Variants in RAB31 observed in about 807,000 individuals in gnomAD.
RAB31 encodes the protein RAB31, member RAS oncogene family, also known as ras-related protein Rab-31.
RAB31 carries 21 observed loss-of-function variants against 25.6 expected under a neutral mutation model. The observed-to-expected ratio is 0.82, with a 90% CI of 0.58 to 1.18. RAB31 has a LOEUF of 1.18. Among genes scored for constraint, RAB31 ranks in the 50% most tolerant of loss-of-function variants. The pLI, the probability that RAB31 is intolerant of heterozygous loss-of-function variation, is 0.00. For synonymous variants in RAB31, 87 were observed against 84.0 expected, an observed-to-expected ratio of 1.04 and a Z score of -0.20; for missense variants, 196 against 250.1, an observed-to-expected ratio of 0.78 and a Z score of 1.46.
chr18:9,760,471 G>T lies in RAB31; in HGVS notation c.40-14807G>T, dbSNP rs147060204. ...TACAGACCTGAAGCCACCATGCTGG[G>T]CCATCAGCTGTTCTTCAGAACAATT... On this transcript the variant is annotated intron_variant, in intron 1 of 6. Coordinates refer to ENST00000578921, the MANE Select transcript of RAB31 (RefSeq NM_006868.4). Among the ~76,000 whole-genome samples, 85 of 152,236 alleles carry T rather than the reference G, an allele frequency of 5.6e-4. No homozygotes were observed. In the Middle Eastern group the frequency reaches 0.024, roughly 43 times the overall value.
At chr18:9,724,545 G>A (rs1197782458) in intron 1 of RAB31, among the ~76,000 whole-genome samples, 5 of 152,138 alleles carry the variant, frequency 3.3e-5, no homozygotes, top group African/African-American at 4.8e-5. Flanking sequence ...ATATCCGTGG[G>A]TGAAAGAAAA....
intron 1 of RAB31, among the ~76,000 whole-genome samples, chr18:9,724,905 C>T (rs1053422346): frequency 1.3e-5 from 2 of 152,206 alleles, no homozygotes; most frequent in African/African-American, 4.8e-5. Context: ...TAATATTTCT[C>T]ACAGTTCTGT....
At chr18:9,774,023 G>A (rs747163251) in intron 1 of RAB31, among the ~76,000 whole-genome samples, 4 of 152,142 alleles carry the variant, frequency 2.6e-5, no homozygotes, top group Non-Finnish European at 4.4e-5. Context: ...ACATCCTGCT[G>A]TTTTGTGTGT....
intron 1 of RAB31, among the ~76,000 whole-genome samples, chr18:9,740,107 G>A (rs919035057): frequency 8.5e-5 from 13 of 152,226 alleles, no homozygotes; most frequent in Admixed American, 8.5e-4. Context: ...TCCCTCACTT[G>A]CTGTTTGTGT....
At position 9,716,287 on chromosome 18, in the gene RAB31, G is replaced by A. The variant is rs191248053; in HGVS notation, c.39+7843G>A. 3.7e-4 allele frequency among the ~76,000 whole-genome samples: 56 copies of A among 152,230 alleles called. 1 individual carries two copies. The highest frequency in any genetic ancestry group is 1.2e-3 in the African/African-American group (51 of 41,542). On this transcript the variant is annotated intron_variant, in intron 1 of 6. Transcript: ENST00000578921. Reference sequence around the variant, plus strand: ...TTCATTGTTTGGGTGAGAATACAACGCAGGCGATCTCGAGTGGTCTTATTT... The same window carrying A: ...TTCATTGTTTGGGTGAGAATACAACACAGGCGATCTCGAGTGGTCTTATTT...
intron 6 of RAB31, among the ~76,000 whole-genome samples, chr18:9,854,528 T>G (rs531534325): frequency 6.6e-6 from 1 of 152,324 alleles, no homozygotes; most frequent in South Asian, 2.1e-4. Context: ...CACTTAAGGC[T>G]CACCTAACCC....
chr18:9,844,609 A>C (rs1037825128), intron 5 of RAB31: 1 of 152,232 alleles, frequency 6.6e-6, no homozygotes, highest in African/African-American at 2.4e-5. Context: ...AGAAGGCAGA[A>C]CCTGTGTTTT....
chr18:9,792,950 CTG>C (rs1260335811), intron 3 of RAB31, among the ~76,000 whole-genome samples: 1 of 152,200 alleles, frequency 6.6e-6, no homozygotes, highest in Non-Finnish European at 1.5e-5. Context: ...TCCTAATTCT[CTG>C]TATTTGCTGA....
At chr18:9,836,389 A>C (rs571057632) in intron 5 of RAB31, among the ~76,000 whole-genome samples, 5 of 151,676 alleles carry the variant, frequency 3.3e-5, no homozygotes, top group South Asian at 2.1e-4. Context: ...TCTTCTTTTT[A>C]TTTTTATTTT....
At chr18:9,799,530 T>C (rs1434158494) in intron 3 of RAB31, among the ~76,000 whole-genome samples, 1 of 152,206 alleles carries the variant, frequency 6.6e-6, no homozygotes, top group Admixed American at 6.5e-5. Context: ...AGGGTCTCAC[T>C]CTGTCACCCA....
chr18:9,721,932 G>A (rs1340063505), intron 1 of RAB31, among the ~76,000 whole-genome samples: 1 of 152,144 alleles, frequency 6.6e-6, no homozygotes, highest in East Asian at 1.9e-4. Flanking sequence ...TCTGAAAGGA[G>A]GCATCTGAGT....
At chr18:9,821,698 G>A (rs187000787) in intron 5 of RAB31, among the ~76,000 whole-genome samples, 1 of 152,046 alleles carries the variant, frequency 6.6e-6, no homozygotes, top group Non-Finnish European at 1.5e-5. Flanking sequence ...TTTAAAACAC[G>A]ATATTCTTTA....
intron 1 of RAB31, among the ~76,000 whole-genome samples, chr18:9,754,640 T>G (rs2068251923): frequency 6.6e-6 from 1 of 152,194 alleles, no homozygotes. Context: ...TTACATAGCA[T>G]TTATGTTGTA....
intron 6 of RAB31, among the ~76,000 whole-genome samples, chr18:9,854,460 C>T (rs1293046485): frequency 6.6e-6 from 1 of 152,078 alleles, no homozygotes; most frequent in East Asian, 1.9e-4. Flanking sequence ...TTGTCACCTC[C>T]TGCCAAGCAT....
chr18:9,840,214 C>T (rs902638647), intron 5 of RAB31, among the ~76,000 whole-genome samples: 5 of 152,194 alleles, frequency 3.3e-5, no homozygotes, highest in African/African-American at 1.2e-4. Context: ...TAGTAATTCT[C>T]AGTGATTTCT....
At chr18:9,728,889 A>G (rs117506625) in intron 1 of RAB31, among the ~76,000 whole-genome samples, 5,457 of 152,304 alleles carry the variant, frequency 0.036, 124 homozygotes, top group Middle Eastern at 0.095. Context: ...ATTAAAAATG[A>G]TAATCTATTT....
At chr18:9,853,687 T>C (rs979838875) in intron 6 of RAB31, among the ~76,000 whole-genome samples, 5 of 152,218 alleles carry the variant, frequency 3.3e-5, no homozygotes, top group African/African-American at 1.2e-4. Context: ...CTGACTATCC[T>C]TAATAGTAAT....
At chr18:9,753,242 A>T (rs576432691) in intron 1 of RAB31, among the ~76,000 whole-genome samples, 2 of 152,300 alleles carry the variant, frequency 1.3e-5, no homozygotes, top group South Asian at 4.1e-4. Flanking sequence ...GTATATTGAG[A>T]GGTGGGGCCT....
chr18:9,803,239 T>C (rs1477120311), intron 3 of RAB31, among the ~76,000 whole-genome samples: 1 of 141,328 alleles, frequency 7.1e-6, no homozygotes, highest in East Asian at 2.0e-4. Flanking sequence ...CTTTTTCCTT[T>C]CTTTTTTTTT....
Sources: allele counts gnomAD v4.1 joint callset (sites outside exome capture counted in the v4.1 genomes callset), GRCh38; gene constraint gnomAD v4.1.1; transcripts MANE v1.5; gene names NCBI Gene and HGNC (gene_info 2026-07-23, HGNC 2026-07-21).